The following HSPBAP1 variants were observed in gnomAD, a reference collection of about 807,000 sequenced individuals.
HSPBAP1 encodes HSPB1-associated protein 1.
In HSPBAP1, 27 loss-of-function variants were observed where a neutral mutation model predicts 45.2. The ratio of observed to expected loss-of-function variants is 0.60; its 90% confidence interval spans 0.44 to 0.82. The LOEUF is 0.82. HSPBAP1 is among the 40% of genes least tolerant of loss of function. HSPBAP1 has a pLI of 0.00. For missense variants in HSPBAP1, 510 were observed against 590.9 expected (o/e 0.86, Z 1.42); for synonymous variants, 204 against 202.7 (o/e 1.01, Z -0.06).
chr3:122,758,386 A>G (rs921570897), intron 4 of HSPBAP1, among the ~76,000 whole-genome samples: 3 of 152,192 alleles, frequency 2.0e-5, no homozygotes, highest in Non-Finnish European at 4.4e-5. Context: ...AAACTGACCT[A>G]AGGTAACAAT....
At chr3:122,770,726 C>CA (rs1329727273) in intron 2 of HSPBAP1, among the ~76,000 whole-genome samples, 1 of 151,830 alleles carries the variant, frequency 6.6e-6, no homozygotes, top group Non-Finnish European at 1.5e-5. Flanking sequence ...AAAAAACAAC[C>CA]AAAAAATTAT....
chr3:122,780,434 C>T (rs1420921905), intron 1 of HSPBAP1, among the ~76,000 whole-genome samples: 1 of 127,240 alleles, frequency 7.9e-6, no homozygotes, highest in Admixed American at 7.8e-5. Flanking sequence ...AGAGGGGCTC[C>T]TCACTTCCCA....
intron 1 of HSPBAP1, among the ~76,000 whole-genome samples, chr3:122,782,786 C>T (rs1935530121): frequency 6.6e-6 from 1 of 152,188 alleles, no homozygotes. Context: ...TATCACCCAA[C>T]CTTCTTCTCT....
rs1219487698 is a variant in HSPBAP1 at position 122,753,600 on chromosome 3, A to G, written c.742-926T>C. 4 of 984,226 alleles carry G rather than the reference A, an allele frequency of 4.1e-6. No homozygotes were observed. The African/African-American group carries it at 7.0e-5, about 17-fold the overall frequency. 61.0% of individuals were successfully genotyped at this position (984,226 alleles called of 1,614,324 possible). On this transcript the variant is annotated intron_variant, in intron 5 of 7. Coordinates refer to ENST00000306103, the MANE Select transcript of HSPBAP1 (RefSeq NM_024610.6). ...ATGGCATCTATCCAGACTCAGTATG[A>G]GATTTCCTATTAAGAGCAGAGTAGA...
At chr3:122,775,680 A>G (rs1935170435) in intron 2 of HSPBAP1, among the ~76,000 whole-genome samples, 1 of 152,208 alleles carries the variant, frequency 6.6e-6, no homozygotes, top group Non-Finnish European at 1.5e-5. Flanking sequence ...ACTCTCATAC[A>G]TTGAAGGTGA....
intron 2 of HSPBAP1, among the ~76,000 whole-genome samples, chr3:122,772,535 A>C (rs1231820304): frequency 6.6e-6 from 1 of 152,184 alleles, no homozygotes; most frequent in Non-Finnish European, 1.5e-5. Flanking sequence ...TAGGGTAAAA[A>C]ATAAATATTC....
At chr3:122,761,591 G>A (rs1370873838) in intron 3 of HSPBAP1, 1 of 151,138 alleles carries the variant, frequency 6.6e-6, no homozygotes, top group Non-Finnish European at 1.5e-5. Context: ...GCAATGTTTG[G>A]TGAGGCTCTG....
chr3:122,793,778 A>C lies in HSPBAP1; in HGVS notation c.-98T>G, dbSNP rs1351918448. ...ACTCCGAGACCCGAAGCTGCACCAC[A>C]GGAAGGAGCCCCGGCGACTCCCGCC... On this transcript the variant is annotated 5_prime_UTR_variant, in exon 1 of 8. Transcript: ENST00000306103. 3.4e-6 allele frequency: 4 copies of C among 1,161,138 alleles called. No homozygotes were observed. Among genetic ancestry groups the C allele is most frequent in the Admixed American group, 2.1e-5 (1 of 48,418 alleles). The allele number at this position is 1,161,138 out of a possible 1,614,324, so 71.9% of individuals were successfully genotyped here.
intron 1 of HSPBAP1, among the ~76,000 whole-genome samples, chr3:122,784,603 G>A (rs770638557): frequency 6.6e-6 from 1 of 152,222 alleles, no homozygotes; most frequent in Non-Finnish European, 1.5e-5. Context: ...CAATAGCCAA[G>A]CGATAAGTAT....
chr3:122,788,474 T>A (rs915679011), intron 1 of HSPBAP1, among the ~76,000 whole-genome samples: 2 of 152,198 alleles, frequency 1.3e-5, no homozygotes, highest in Non-Finnish European at 2.9e-5. Context: ...TATTCTACAG[T>A]AAGGTCTTGA....
chr3:122,761,364 G>C (rs1208281403), intron 3 of HSPBAP1, among the ~76,000 whole-genome samples: 1 of 151,294 alleles, frequency 6.6e-6, no homozygotes, highest in Non-Finnish European at 1.5e-5. Flanking sequence ...CTGTTCTAGA[G>C]CCCTGCTTTG....
chr3:122,761,492 A>C (rs1934580035), intron 3 of HSPBAP1: 1 of 152,278 alleles, frequency 6.6e-6, no homozygotes, highest in Admixed American at 6.5e-5. Context: ...ACTGTCAGCC[A>C]GGTGCAGTGG....
intron 1 of HSPBAP1, among the ~76,000 whole-genome samples, chr3:122,781,442 G>A (rs1480220755): frequency 9.2e-5 from 14 of 151,686 alleles, no homozygotes; most frequent in Admixed American, 9.2e-4. Context: ...GCAATCGCAG[G>A]CACTCGGCAG....
rs1933616974 is a variant in HSPBAP1 at position 122,740,424 on chromosome 3, T to C, written c.1388A>G (p.Asp463Gly). 1 of 1,613,304 alleles carries C rather than the reference T, an allele frequency of 6.2e-7. No individual in the cohort carries two copies. The highest frequency in any genetic ancestry group is 8.5e-7 in the Non-Finnish European group (1 of 1,179,726). Reference sequence around the variant, plus strand: ...ATTCACCAAGCAGTCCAGCAAGTCATCCGTAGAAATGAATGTTTGAGGAGT... The same window carrying C: ...ATTCACCAAGCAGTCCAGCAAGTCACCCGTAGAAATGAATGTTTGAGGAGT... ...TTTPQTFIST[D>G]DLLDCLVNPQ... The change falls in exon 8 of 8, where the codon GAT (aspartate) becomes GGT (glycine). Residue 463 changes from aspartate (D) to glycine (G), a missense_variant. Coordinates refer to ENST00000306103, the MANE Select transcript of HSPBAP1 (RefSeq NM_024610.6).
At chr3:122,787,020 T>G (rs1935681171) in intron 1 of HSPBAP1, among the ~76,000 whole-genome samples, 2 of 152,222 alleles carry the variant, frequency 1.3e-5, no homozygotes, top group Non-Finnish European at 2.9e-5. Context: ...TGCAAAGAGC[T>G]ATAAAAATTC....
intron 3 of HSPBAP1, among the ~76,000 whole-genome samples, chr3:122,763,204 C>A (rs1934660318): frequency 6.6e-6 from 1 of 152,138 alleles, no homozygotes; most frequent in Non-Finnish European, 1.5e-5. Flanking sequence ...TATATGATTC[C>A]ATTTTTATGA....
chr3:122,771,223 T>C (rs567876294), intron 2 of HSPBAP1, among the ~76,000 whole-genome samples: 2 of 152,394 alleles, frequency 1.3e-5, no homozygotes, highest in African/African-American at 2.4e-5. Context: ...TTTCACTCTT[T>C]CCTGGTAGTA....
chr3:122,779,260 C>T (rs946596525), intron 1 of HSPBAP1, among the ~76,000 whole-genome samples: 3 of 151,446 alleles, frequency 2.0e-5, no homozygotes, highest in Admixed American at 1.3e-4. Flanking sequence ...CCAGGCTGGT[C>T]TTGAACTCCT....
At chr3:122,764,486 C>A (rs1934707671) in intron 3 of HSPBAP1, among the ~76,000 whole-genome samples, 1 of 152,054 alleles carries the variant, frequency 6.6e-6, no homozygotes, top group Admixed American at 6.5e-5. Flanking sequence ...TCTTTTCTTC[C>A]ACAAATTAAA....
Sources: allele counts gnomAD v4.1 joint callset (sites outside exome capture counted in the v4.1 genomes callset), GRCh38; gene constraint gnomAD v4.1.1; transcripts MANE v1.5; gene names NCBI Gene and HGNC (gene_info 2026-07-23, HGNC 2026-07-21).